ZFHX4: variants seen among roughly 807,000 people sequenced by gnomAD.
ZFHX4 encodes zinc finger homeobox protein 4.
Under a neutral mutation model 267.6 loss-of-function variants are expected in ZFHX4, and 56 were observed. The ratio of observed to expected loss-of-function variants is 0.21; its 90% CI spans 0.17 to 0.26. The LOEUF (loss-of-function observed/expected upper bound fraction) is 0.26. ZFHX4 is among the 10% of genes least tolerant of loss of function. The probability of loss-of-function intolerance (pLI) is 1.00; values close to 1 mark genes in which losing one functional copy is unlikely to be tolerated. For missense variants in ZFHX4, 4,332 were observed against 4,420.0 expected (o/e 0.98, Z 0.56); for synonymous variants, 1,778 against 1,665.6 (o/e 1.07, Z -1.64).
chr8:76,700,981 G>A (rs895280764), intron 1 of ZFHX4, among the ~76,000 whole-genome samples: 1 of 151,992 alleles, frequency 6.6e-6, no homozygotes, highest in Non-Finnish European at 1.5e-5. Flanking sequence ...TTGTTTTTGT[G>A]GTCTTTTTTA....
intron 6 of ZFHX4, among the ~76,000 whole-genome samples, chr8:76,847,079 ATTGG>A (rs1032510191): frequency 8.5e-5 from 13 of 152,176 alleles, no homozygotes; most frequent in African/African-American, 2.9e-4. Flanking sequence ...ATTGATAGAC[ATTGG>A]TTGATTTAAA....
At chr8:76,728,188 C>T (rs1585887679) in intron 3 of ZFHX4, among the ~76,000 whole-genome samples, 1 of 152,166 alleles carries the variant, frequency 6.6e-6, no homozygotes, top group African/African-American at 2.4e-5. Context: ...ATTATATTAT[C>T]TTCTTAATAT....
At chr8:76,777,330 G>A (rs1489687357) in intron 3 of ZFHX4, among the ~76,000 whole-genome samples, 5 of 152,052 alleles carry the variant, frequency 3.3e-5, no homozygotes, top group African/African-American at 4.8e-5. Flanking sequence ...TACATGCTGT[G>A]GGCAGAAATC....
intron 5 of ZFHX4, among the ~76,000 whole-genome samples, chr8:76,840,286 T>C (rs965980993): frequency 6.6e-6 from 1 of 152,186 alleles, no homozygotes; most frequent in Non-Finnish European, 1.5e-5. Context: ...CAGGCAGTTA[T>C]GGCCTCAGAA....
At chr8:76,848,150 G>T (rs1384552497) in intron 6 of ZFHX4, among the ~76,000 whole-genome samples, 2 of 152,180 alleles carry the variant, frequency 1.3e-5, no homozygotes, top group Non-Finnish European at 2.9e-5. Flanking sequence ...ATGAGGTTTT[G>T]TGTTTGTCAT....
intron 4 of ZFHX4, among the ~76,000 whole-genome samples, chr8:76,786,998 G>A (rs1810708857): frequency 6.6e-6 from 1 of 152,202 alleles, no homozygotes; most frequent in African/African-American, 2.4e-5. Flanking sequence ...AGTCAAATTT[G>A]TTAACTCAGG....
rs1812993945 is a variant in ZFHX4 at position 76,865,122 on chromosome 8, T to C, written c.*557T>C. 1 of 152,922 alleles carries C rather than the reference T, an allele frequency of 6.5e-6. No homozygotes were observed. Among genetic ancestry groups the C allele is most frequent in the Non-Finnish European group, 1.5e-5 (1 of 68,290 alleles). The allele number at this position is 152,922 out of a possible 1,614,324, so 9.5% of individuals were successfully genotyped here. ...TACAAAGAGACTTTATAACCCTTAC[T>C]GGACAACACACAGATCCTTGAGCTC... is the stretch of plus-strand genomic sequence containing the variant. On this transcript the variant is annotated 3_prime_UTR_variant, in exon 11 of 11. Coordinates refer to ENST00000651372, the MANE Select transcript of ZFHX4 (RefSeq NM_024721.5).
intron 4 of ZFHX4, among the ~76,000 whole-genome samples, chr8:76,832,004 G>GT (rs1042780396): frequency 1.4e-5 from 2 of 145,762 alleles, no homozygotes; most frequent in African/African-American, 5.2e-5. Flanking sequence ...TTTTTTAGTG[G>GT]GGGGGGGCAC....
chr8:76,793,219 A>G (rs553750122), intron 4 of ZFHX4, among the ~76,000 whole-genome samples: 2 of 152,148 alleles, frequency 1.3e-5, no homozygotes, highest in Non-Finnish European at 2.9e-5. Context: ...AGTTTCCTCT[A>G]TCTTTGATTA....
At chr8:76,750,170 T>G (rs761969636) in intron 3 of ZFHX4, among the ~76,000 whole-genome samples, 27 of 152,284 alleles carry the variant, frequency 1.8e-4, no homozygotes, top group Middle Eastern at 3.4e-3. Context: ...TCTTGGATGC[T>G]TGTGGTTATC....
At position 76,855,905 on chromosome 8, in the gene ZFHX4, T is replaced by A; in HGVS notation, c.8984T>A (p.Phe2995Tyr). ...KKFKINIGKPFMINQGGTEGT... is the reference protein window; with the variant it reads ...KKFKINIGKPYMINQGGTEGT... ...TTTAAAATTAACATAGGGAAGCCTTTCATGATCAATCAAGGCGGAACGGAA... is the reference window on the plus strand; with the variant it reads ...TTTAAAATTAACATAGGGAAGCCTTACATGATCAATCAAGGCGGAACGGAA... Residue 2995 changes from phenylalanine (F) to tyrosine (Y), a missense_variant, in exon 10 of 11, where the codon TTC becomes TAC. Transcript: ENST00000651372. 2 of 1,613,876 alleles carry A rather than the reference T, an allele frequency of 1.2e-6. No individual in the cohort carries two copies. Among genetic ancestry groups the A allele is most frequent in the Middle Eastern group, 3.3e-4 (2 of 6,062 alleles).
At position 76,847,116 on chromosome 8, in the gene ZFHX4, G is replaced by T. The variant is rs117733459; in HGVS notation, c.3512-1879G>T. 9.6e-4 allele frequency among the ~76,000 whole-genome samples: 146 copies of T among 152,118 alleles called. 1 individual carries two copies. The East Asian group carries it at 0.014, about 15-fold the overall frequency. Reference sequence around the variant, plus strand: ...AAATGGCAATGATTTTATACAACTTGGTTTGACACTTTAAGCAGTAAGTTT... The same window carrying T: ...AAATGGCAATGATTTTATACAACTTTGTTTGACACTTTAAGCAGTAAGTTT... On this transcript the variant is annotated intron_variant, in intron 6 of 10. Coordinates refer to ENST00000651372, the MANE Select transcript of ZFHX4 (RefSeq NM_024721.5).
At chr8:76,755,738 A>G (rs1585912654) in intron 3 of ZFHX4, among the ~76,000 whole-genome samples, 1 of 152,050 alleles carries the variant, frequency 6.6e-6, no homozygotes, top group South Asian at 2.1e-4. Flanking sequence ...AGTTAGTTGT[A>G]TTTGCCTTTT....
At chr8:76,729,450 C>T (rs2131657893) in intron 3 of ZFHX4, among the ~76,000 whole-genome samples, 1 of 152,270 alleles carries the variant, frequency 6.6e-6, no homozygotes. Flanking sequence ...TGTTAATTAA[C>T]AAGCCTCCTT....
At chr8:76,803,793 A>C (rs1327706249) in intron 4 of ZFHX4, among the ~76,000 whole-genome samples, 1 of 152,174 alleles carries the variant, frequency 6.6e-6, no homozygotes, top group African/African-American at 2.4e-5. Context: ...ATTATGTTAC[A>C]TTTAGTTTTA....
At position 76,854,708 on chromosome 8, in the gene ZFHX4, G is replaced by A. The variant is rs1812660036; in HGVS notation, c.7787G>A (p.Gly2596Glu). The change falls in exon 10 of 11, where the codon GGG becomes GAG. Residue 2596 changes from glycine (G) to glutamate (E), a missense_variant. Gly to Glu is a moderately conservative substitution (Grantham distance 98). Around this residue, in one of 7 missense-constraint regions of ZFHX4, gnomAD observed 1,648 missense variants for 1,625.0 expected, o/e 1.01. Transcript: ENST00000651372. ...AATAATTGCAGTGAAAAAGAAGGAG[G>A]GAATAGCGGTGAAGACCAACACCGA... ...EDNNCSEKEG[G>E]NSGEDQHRDK... 6.2e-7 allele frequency: 1 copy of A among 1,613,266 alleles called. No homozygotes were observed. The highest frequency in any genetic ancestry group is 1.3e-5 in the African/African-American group (1 of 74,910).
At chr8:76,722,750 T>A (rs1563484648) in intron 3 of ZFHX4, among the ~76,000 whole-genome samples, 1 of 152,026 alleles carries the variant, frequency 6.6e-6, no homozygotes, top group African/African-American at 2.4e-5. Flanking sequence ...GCTTTCCTTA[T>A]GTGTGGAAAA....
At chr8:76,860,875 A>C (rs1162294439) in intron 10 of ZFHX4, among the ~76,000 whole-genome samples, 1 of 152,178 alleles carries the variant, frequency 6.6e-6, no homozygotes, top group Non-Finnish European at 1.5e-5. Flanking sequence ...GTACTACTTT[A>C]TTCATTTCTT....
intron 3 of ZFHX4, among the ~76,000 whole-genome samples, chr8:76,715,632 G>T (rs1251278122): frequency 6.6e-6 from 1 of 151,752 alleles, no homozygotes; most frequent in Non-Finnish European, 1.5e-5. Flanking sequence ...TGAAAGTACT[G>T]CTTAAAGATA....
Sources: gnomAD v4.1 joint callset for allele counts (sites outside exome capture counted in the v4.1 genomes callset) on GRCh38, gnomAD v4.1.1 for gene constraint, gnomAD v4.1.1 regional missense constraint, MANE v1.5 for transcripts, NCBI Gene and HGNC (gene_info 2026-07-23, HGNC 2026-07-21) for gene names.